The following GMDS variants were observed in gnomAD, a reference collection of about 807,000 sequenced individuals.
The protein encoded by GMDS is GDP-mannose 4,6 dehydratase.
A neutral mutation model predicts 49.9 loss-of-function variants in GMDS; 20 were observed. The ratio of observed to expected loss-of-function variants is 0.40; its 90% CI spans 0.28 to 0.58. The LOEUF (loss-of-function observed/expected upper bound fraction) is 0.58. Ranked by LOEUF, GMDS falls within the 20% of genes least tolerant of loss-of-function variation. The pLI is 0.42. For missense variants in GMDS, 362 were observed against 481.4 expected, an observed-to-expected ratio of 0.75 and a Z score of 2.32; for synonymous variants, 177 against 178.6, an observed-to-expected ratio of 0.99 and a Z score of 0.07.
chr6:1,914,406 A>G (rs7754925), intron 7 of GMDS, among the ~76,000 whole-genome samples: 11,702 of 150,306 alleles, frequency 0.078, 514 homozygotes, highest in South Asian at 0.15. Flanking sequence ...GGTGGAGCTT[A>G]AAGTGAGCCG....
intron 4 of GMDS, among the ~76,000 whole-genome samples, chr6:1,988,214 C>A (rs1765683751): frequency 6.6e-6 from 1 of 152,148 alleles, no homozygotes; most frequent in African/African-American, 2.4e-5. Context: ...GATTTAGAAT[C>A]AGGTTGCCTC....
At chr6:1,716,791 C>T (rs1455863845) in intron 9 of GMDS, among the ~76,000 whole-genome samples, 4 of 152,198 alleles carry the variant, frequency 2.6e-5, no homozygotes, top group African/African-American at 9.7e-5. Flanking sequence ...CACCCCGTCC[C>T]CCAACTCTCT....
chr6:1,667,180 C>T (rs1047197909), intron 9 of GMDS, among the ~76,000 whole-genome samples: 2 of 152,304 alleles, frequency 1.3e-5, no homozygotes, highest in African/African-American at 4.8e-5. Context: ...TGCGAGATGG[C>T]CGGCCTCAGA....
intron 1 of GMDS, among the ~76,000 whole-genome samples, chr6:2,231,594 A>C (rs1781113778): frequency 6.6e-6 from 1 of 152,210 alleles, no homozygotes; most frequent in Non-Finnish European, 1.5e-5. Flanking sequence ...TTTGCTCAGC[A>C]TGCCAAAGGA....
At chr6:1,928,859 C>T (rs911103464) in intron 7 of GMDS, among the ~76,000 whole-genome samples, 5 of 152,096 alleles carry the variant, frequency 3.3e-5, no homozygotes, top group Admixed American at 1.3e-4. Flanking sequence ...GTCCCACCTA[C>T]GCAGGAGGCT....
chr6:2,006,363 C>T (rs1393632528), intron 4 of GMDS, among the ~76,000 whole-genome samples: 13 of 151,916 alleles, frequency 8.6e-5, no homozygotes, highest in Admixed American at 3.9e-4. Flanking sequence ...AGGATATTGA[C>T]GTTGCAGTGA....
chr6:2,158,258 AG>A (rs1231162497), intron 1 of GMDS, among the ~76,000 whole-genome samples: 4 of 152,176 alleles, frequency 2.6e-5, no homozygotes, highest in African/African-American at 7.2e-5. Flanking sequence ...TAAAAACAAT[AG>A]CAAAATAAAA....
chr6:1,709,462 G>A (rs991179131), intron 9 of GMDS, among the ~76,000 whole-genome samples: 1 of 152,228 alleles, frequency 6.6e-6, no homozygotes, highest in African/African-American at 2.4e-5. Flanking sequence ...CAACAGTGAA[G>A]ATCATGTTCC....
intron 7 of GMDS, among the ~76,000 whole-genome samples, chr6:1,913,237 C>T (rs1218427035): frequency 4.6e-5 from 7 of 151,228 alleles, no homozygotes; most frequent in African/African-American, 1.5e-4. Flanking sequence ...AAAAATTAGC[C>T]GGGCGTAGTG....
Position 1,726,471 on chromosome 6 carries a change from T to A in GMDS, c.932A>T (p.Glu311Val). 6.2e-7 allele frequency: 1 copy of A among 1,613,812 alleles called. No homozygotes were observed. The highest frequency in any genetic ancestry group is 8.5e-7 in the Non-Finnish European group (1 of 1,179,622). Residue 311 changes from glutamate (E) to valine (V), a missense_variant, in exon 9 of 11, where the codon GAG becomes GTG. Transcript: ENST00000380815. Reference sequence around the variant, plus strand: ...CACAGTCACGTGAACTTTGCCGGTCTCTTTACATCTGCCCACTTCATTTTC... The same window carrying A: ...CACAGTCACGTGAACTTTGCCGGTCACTTTACATCTGCCCACTTCATTTTC... ...KNENEVGRCK[E>V]TGKVHVTVDL...
chr6:1,960,538 T>C (rs976507653), intron 5 of GMDS, among the ~76,000 whole-genome samples: 1 of 152,208 alleles, frequency 6.6e-6, no homozygotes, highest in Non-Finnish European at 1.5e-5. Flanking sequence ...TGAACATGGG[T>C]TGGTGAAGTG....
intron 1 of GMDS, among the ~76,000 whole-genome samples, chr6:2,125,227 C>G (rs867412870): frequency 6.6e-6 from 1 of 152,054 alleles, no homozygotes; most frequent in Non-Finnish European, 1.5e-5. Flanking sequence ...TACTTGCATC[C>G]AAGAGTTGGA....
At chr6:1,828,488 C>G (rs1289853692) in intron 7 of GMDS, among the ~76,000 whole-genome samples, 1 of 152,136 alleles carries the variant, frequency 6.6e-6, no homozygotes, top group Non-Finnish European at 1.5e-5. Context: ...TATCCTGAGA[C>G]ATATTCAAAT....
chr6:1,832,577 G>A (rs184613120), intron 7 of GMDS, among the ~76,000 whole-genome samples: 32 of 152,184 alleles, frequency 2.1e-4, no homozygotes, highest in Non-Finnish European at 3.2e-4. Flanking sequence ...TAACTTGGCT[G>A]TTCCGGACTC....
chr6:1,652,717 T>G (rs201719564), intron 9 of GMDS, among the ~76,000 whole-genome samples: 7,464 of 12,886 alleles, frequency 0.58, 3,254 homozygotes, highest in Middle Eastern at 1. Flanking sequence ...TATATATATA[T>G]ATAGAGAGAG....
At chr6:2,185,534 C>T (rs967450268) in intron 1 of GMDS, among the ~76,000 whole-genome samples, 8 of 152,152 alleles carry the variant, frequency 5.3e-5, no homozygotes, top group Admixed American at 2.0e-4. Context: ...CTGGAGCCAA[C>T]AACAATAAAT....
chr6:1,878,610 T>TG (rs1415812483), intron 7 of GMDS, among the ~76,000 whole-genome samples: 1 of 151,966 alleles, frequency 6.6e-6, no homozygotes, highest in Non-Finnish European at 1.5e-5. Context: ...AAAGTAACAT[T>TG]TACAGAAGTG....
At chr6:1,913,534 T>C (rs934469992) in intron 7 of GMDS, among the ~76,000 whole-genome samples, 33 of 151,982 alleles carry the variant, frequency 2.2e-4, no homozygotes, top group African/African-American at 7.5e-4. Context: ...CCTCAAAGAA[T>C]AGAAGGGTGT....
chr6:2,114,910 T>C (rs1462333084), intron 4 of GMDS, among the ~76,000 whole-genome samples: 1 of 152,060 alleles, frequency 6.6e-6, no homozygotes. Context: ...AAGAAAAACT[T>C]TCTGAAATAA....
Sources: gnomAD v4.1 joint callset for allele counts (sites outside exome capture counted in the v4.1 genomes callset) on GRCh38, gnomAD v4.1.1 for gene constraint, MANE v1.5 for transcripts, NCBI Gene and HGNC (gene_info 2026-07-23, HGNC 2026-07-21) for gene names.